Variants in RABGEF1 observed in about 807,000 individuals in gnomAD.
RABGEF1 encodes the protein RAB guanine nucleotide exchange factor 1, also known as rab5 GDP/GTP exchange factor.
Under a neutral mutation model 57.3 loss-of-function variants are expected in RABGEF1, and 26 were observed. The ratio of observed to expected loss-of-function variants is 0.45; its 90% CI spans 0.33 to 0.63. The LOEUF (loss-of-function observed/expected upper bound fraction) is 0.63, where lower values mean the gene tolerates loss of function less well. RABGEF1 is among the 20% of genes least tolerant of loss of function. RABGEF1 has a pLI of 0.02. For missense variants in RABGEF1, 464 were observed against 607.6 expected, an observed-to-expected ratio of 0.76 and a Z score of 2.48; for synonymous variants, 185 against 210.7, an observed-to-expected ratio of 0.88 and a Z score of 1.06.
upstream of RABGEF1, among the ~76,000 whole-genome samples, chr7:66,679,481 G>C (rs1789541117): frequency 6.6e-6 from 1 of 152,126 alleles, no homozygotes; most frequent in African/African-American, 2.4e-5. Context: ...GCTAATGTTT[G>C]TATTTTTAGT....
chr7:66,696,995 G>A (rs757131816), intron 1 of RABGEF1, among the ~76,000 whole-genome samples: 3 of 152,170 alleles, frequency 2.0e-5, no homozygotes, highest in Non-Finnish European at 2.9e-5. Flanking sequence ...GCCAATGTGC[G>A]TGGAGCAGAG....
chr7:66,693,854 C>T (rs1448063002), intron 1 of RABGEF1, among the ~76,000 whole-genome samples: 3 of 150,820 alleles, frequency 2.0e-5, no homozygotes, highest in African/African-American at 7.4e-5. Context: ...GTCACCCAGG[C>T]TGGAGTGCAG....
chr7:66,705,136 C>T (rs1793822918), intron 1 of RABGEF1, among the ~76,000 whole-genome samples: 1 of 152,110 alleles, frequency 6.6e-6, no homozygotes, highest in Non-Finnish European at 1.5e-5. Flanking sequence ...CGCGGTGGCT[C>T]ATGCCTGTAA....
chr7:66,770,588 A>G (rs768668558), intron 1 of RABGEF1: 2 of 152,198 alleles, frequency 1.3e-5, no homozygotes, highest in African/African-American at 2.4e-5. Context: ...GGCTCAGGCA[A>G]TCCTTCTGTC....
chr7:66,716,363 G>T (rs1019598805), intron 2 of RABGEF1, among the ~76,000 whole-genome samples: 3 of 152,184 alleles, frequency 2.0e-5, no homozygotes, highest in African/African-American at 7.2e-5. Flanking sequence ...ACTTTGGGAG[G>T]CCGAGGCAAG....
chr7:66,809,207 T>C lies in RABGEF1; in HGVS notation c.1399T>C (p.Leu467=). The C allele has an allele frequency of 6.2e-7, 1 of 1,614,208 alleles. No individual in the cohort carries two copies. Among genetic ancestry groups the C allele is most frequent in the Non-Finnish European group, 8.5e-7 (1 of 1,180,022 alleles). Residue 467 remains leucine (L), a synonymous_variant, in exon 9 of 9, where the codon TTA becomes CTA. Coordinates refer to ENST00000284957, the MANE Select transcript of RABGEF1 (RefSeq NM_014504.3). ...PLEIKPPNQP[L]AAIDSENVEN... ...GGAAATTAAGCCTCCGAATCAACCG[T>C]TAGCAGCTATTGACTCTGAAAACGT... is the stretch of plus-strand genomic sequence containing the variant.
At chr7:66,750,787 G>T (rs1484221402) in intron 1 of RABGEF1, among the ~76,000 whole-genome samples, 1 of 152,196 alleles carries the variant, frequency 6.6e-6, no homozygotes, top group Non-Finnish European at 1.5e-5. Context: ...TTATGGTAGT[G>T]ATTCTGCCAT....
At chr7:66,720,194 ATTTTT>A (rs58442880) in intron 2 of RABGEF1, among the ~76,000 whole-genome samples, 5,214 of 134,336 alleles carry the variant, frequency 0.039, 159 homozygotes, top group East Asian at 0.093. Context: ...TATTATTATT[ATTTTT>A]TTTTTTTTTT....
intron 1 of RABGEF1, among the ~76,000 whole-genome samples, chr7:66,700,496 A>AGGGG (rs1236605657): frequency 2.3e-5 from 2 of 87,842 alleles, no homozygotes; most frequent in Non-Finnish European, 5.1e-5. Flanking sequence ...CCGGAGGGGG[A>AGGGG]GGTAGGGGAG....
intron 1 of RABGEF1, among the ~76,000 whole-genome samples, chr7:66,701,690 G>A (rs549757989): frequency 1.7e-4 from 26 of 151,950 alleles, no homozygotes; most frequent in African/African-American, 6.0e-4. Context: ...TGTATTTTTA[G>A]TAAATACAAG....
chr7:66,791,964 T>G (rs1812772955), intron 4 of RABGEF1, among the ~76,000 whole-genome samples: 1 of 152,116 alleles, frequency 6.6e-6, no homozygotes, highest in African/African-American at 2.4e-5. Flanking sequence ...ATAAAAAAAT[T>G]AGCTGGGCGT....
the RABGEF1 span, among the ~76,000 whole-genome samples, chr7:66,657,968 G>C: frequency 6.6e-6 from 1 of 152,020 alleles, no homozygotes; most frequent in African/African-American, 2.4e-5. Context: ...AATAAATAAA[G>C]GAAATTAAGA....
chr7:66,720,187 TA>T (rs1377941111), intron 2 of RABGEF1, among the ~76,000 whole-genome samples: 1,568 of 116,350 alleles, frequency 0.013, 8 homozygotes, highest in Middle Eastern at 0.024. Flanking sequence ...TTATTATTAT[TA>T]TTATTATTTT....
upstream of RABGEF1, among the ~76,000 whole-genome samples, chr7:66,679,649 A>G (rs1789552878): frequency 1.3e-5 from 2 of 152,140 alleles, no homozygotes; most frequent in South Asian, 4.1e-4. Flanking sequence ...TCACAAGGAA[A>G]CTTTGAAATG....
chr7:66,689,761 C>T (rs1791234429), intron 1 of RABGEF1, among the ~76,000 whole-genome samples: 1 of 150,786 alleles, frequency 6.6e-6, no homozygotes, highest in South Asian at 2.1e-4. Context: ...GAGATTGCAC[C>T]ATTGCACTCC....
chr7:66,669,505 A>G, the RABGEF1 span, among the ~76,000 whole-genome samples: 1 of 151,968 alleles, frequency 6.6e-6, no homozygotes, highest in African/African-American at 2.4e-5. Flanking sequence ...GGTGGTGGGG[A>G]CCTCTGGCTT....
At chr7:66,664,433 T>G in the RABGEF1 span, among the ~76,000 whole-genome samples, 5 of 151,782 alleles carry the variant, frequency 3.3e-5, no homozygotes, top group East Asian at 1.9e-4. Flanking sequence ...TTTTTGTTTT[T>G]TTTTTTTTAA....
intron 1 of RABGEF1, among the ~76,000 whole-genome samples, chr7:66,682,493 G>A (rs926007449): frequency 4.6e-5 from 7 of 152,180 alleles, no homozygotes; most frequent in Admixed American, 4.6e-4. Context: ...GCTCGTTGCC[G>A]GCATCTCCAG....
upstream of RABGEF1, chr7:66,740,212 A>T (rs1266201721): frequency 1.3e-5 from 2 of 152,768 alleles, no homozygotes; most frequent in East Asian, 3.8e-4. Flanking sequence ...GACTCAAGCG[A>T]TCCTCCTGCC....
Sources: allele counts gnomAD v4.1 joint callset (sites outside exome capture counted in the v4.1 genomes callset), GRCh38; gene constraint gnomAD v4.1.1; transcripts MANE v1.5; gene names NCBI Gene and HGNC (gene_info 2026-07-23, HGNC 2026-07-21).